ERP27: variants seen among roughly 807,000 people sequenced by gnomAD.
ERP27 encodes endoplasmic reticulum protein 27.
In ERP27, 23 loss-of-function variants were observed where a neutral mutation model predicts 27.7. The ratio of observed to expected loss-of-function variants is 0.83; its 90% CI spans 0.60 to 1.18. ERP27 has a LOEUF of 1.18. Ranked by LOEUF, ERP27 falls within the 50% of genes most tolerant of loss-of-function variation. The probability of loss-of-function intolerance (pLI) is 0.00; values close to 1 mark genes in which losing one functional copy is unlikely to be tolerated. For synonymous variants in ERP27, 159 were observed against 118.3 expected (o/e 1.34, Z -2.23); for missense variants, 363 against 327.9 (o/e 1.11, Z -0.83).
chr12:14,929,093 C>G, intron 3 of ERP27: 1 of 1,518,650 alleles, frequency 6.6e-7, no homozygotes, highest in Non-Finnish European at 8.8e-7. Flanking sequence ...ATTCCTAGGT[C>G]TGGTGCCTGC....
At chr12:14,934,802 G>C in intron 3 of ERP27, 54 bp downstream of exon 3, 1 of 1,608,818 alleles carries the variant, frequency 6.2e-7, no homozygotes, top group African/African-American at 1.3e-5. Context: ...AAGTTTATGA[G>C]TCCACAACCC....
chr12:14,921,155 C>A, intron 3 of ERP27, 107 bp from the exon 4 acceptor site: 1 of 867,492 alleles, frequency 1.2e-6, no homozygotes, highest in Non-Finnish European at 1.8e-6. Flanking sequence ...CTCTGAAGAC[C>A]AAAAGATAAG....
chr12:14,915,059 C>T (rs1156951101), intron 6 of ERP27, among the ~76,000 whole-genome samples: 1 of 152,150 alleles, frequency 6.6e-6, no homozygotes, highest in Non-Finnish European at 1.5e-5. Context: ...TGCTTTTAAT[C>T]AAATCTAGTA....
chr12:14,927,549 A>G (rs1275469399), intron 3 of ERP27, among the ~76,000 whole-genome samples: 1 of 152,116 alleles, frequency 6.6e-6, no homozygotes, highest in Admixed American at 6.5e-5. Context: ...CTGGACTCCA[A>G]CATTTAATTT....
In ERP27 at chr12:14,929,127, T is replaced by G. The variant is rs144661943; in HGVS notation, c.333+5729A>C. 7.4e-5 allele frequency: 108 copies of G among 1,468,932 alleles called. 1 individual carries two copies. The African/African-American group carries it at 1.4e-3, about 20-fold the overall frequency. The allele number at this position is 1,468,932 out of a possible 1,614,324, so 91.0% of individuals were successfully genotyped here. ...GCACCTCAGCTCACATCGCTGTGCA[T>G]GGATCAAGAATCCCCCCCTCCCTGT... On this transcript the variant is annotated intron_variant, in intron 3 of 6. Coordinates refer to ENST00000266397, the MANE Select transcript of ERP27 (RefSeq NM_152321.4).
At position 14,915,580 on chromosome 12, in the gene ERP27, A is replaced by G; in HGVS notation, c.683T>C (p.Leu228Pro). 6.2e-7 allele frequency: 1 copy of G among 1,614,230 alleles called. No homozygotes were observed. Among genetic ancestry groups the G allele is most frequent in the South Asian group, 1.1e-5 (1 of 91,082 alleles). Reference protein sequence around the residue: ...QLPALAIYQTLDDEWDTLPTA... With the variant: ...QLPALAIYQTPDDEWDTLPTA... Reference sequence around the variant, plus strand: ...GGGCAGTGTATCCCACTCGTCATCTAGAGTCTGGTAAATTGCCAAAGCTGG... The same window carrying G: ...GGGCAGTGTATCCCACTCGTCATCTGGAGTCTGGTAAATTGCCAAAGCTGG... Residue 228 changes from leucine (L) to proline (P), a missense_variant, in exon 6 of 7, where the codon CTA becomes CCA. Transcript: ENST00000266397.
At chr12:14,916,029 G>T (rs77300556) in intron 5 of ERP27, among the ~76,000 whole-genome samples, 7,724 of 151,964 alleles carry the variant, frequency 0.051, 339 homozygotes, top group African/African-American at 0.11. Flanking sequence ...GGGGGTGGAG[G>T]GTGGGAGGAG....
chr12:14,927,537 G>A (rs1198259146), intron 3 of ERP27, among the ~76,000 whole-genome samples: 1 of 152,008 alleles, frequency 6.6e-6, no homozygotes, highest in African/African-American at 2.4e-5. Context: ...CCCTTGTGAG[G>A]CCTGGACTCC....
At chr12:14,921,135 C>T (rs1201702670) in intron 3 of ERP27, 87 bp from the exon 4 acceptor site, 14 of 1,085,558 alleles carry the variant, frequency 1.3e-5, no homozygotes, top group East Asian at 2.4e-5. Context: ...GTGACAGGCA[C>T]TGATTAAAGC....
intron 3 of ERP27, among the ~76,000 whole-genome samples, chr12:14,921,394 T>A (rs1863501511): frequency 6.6e-6 from 1 of 152,170 alleles, no homozygotes. Context: ...GAACAGCATA[T>A]GAAAATACTG....
At chr12:14,935,129 C>G in intron 2 of ERP27, 136 bp from the exon 3 acceptor site, 1 of 1,451,552 alleles carries the variant, frequency 6.9e-7, no homozygotes, top group Non-Finnish European at 9.1e-7. Context: ...ATGATTTACC[C>G]CTAACAATTC....
intron 3 of ERP27, among the ~76,000 whole-genome samples, chr12:14,923,500 T>A (rs538482935): frequency 6.6e-6 from 1 of 150,662 alleles, no homozygotes; most frequent in Non-Finnish European, 1.5e-5. Flanking sequence ...TCAATCTATC[T>A]ATCTATCTAT....
chr12:14,936,495 C>G (rs1401968974), intron 2 of ERP27, among the ~76,000 whole-genome samples: 1 of 152,156 alleles, frequency 6.6e-6, no homozygotes, highest in African/African-American at 2.4e-5. Flanking sequence ...TTCTACCCTG[C>G]AAGTCCCCAG....
intron 3 of ERP27, among the ~76,000 whole-genome samples, chr12:14,922,959 C>T (rs985421816): frequency 1.3e-5 from 2 of 151,838 alleles, no homozygotes; most frequent in African/African-American, 2.4e-5. Context: ...ATGCCAGCTA[C>T]TCTGGAGGCT....
intron 2 of ERP27, among the ~76,000 whole-genome samples, chr12:14,937,074 C>T (rs1863784084): frequency 6.6e-6 from 1 of 152,178 alleles, no homozygotes; most frequent in Admixed American, 6.5e-5. Flanking sequence ...GCACACTCCT[C>T]CAATTCCATG....
At chr12:14,929,198 A>G in intron 3 of ERP27, 1 of 1,273,256 alleles carries the variant, frequency 7.9e-7, no homozygotes, top group Middle Eastern at 3.0e-4. Context: ...CAGGGAGAAC[A>G]AGAAAAGCCA....
Position 14,920,841 on chromosome 12 carries a change from G to T in ERP27, c.450+91C>A. On this transcript the variant is annotated intron_variant, in intron 4 of 6. Transcript: ENST00000266397. ...CAGTATTGTATTGGTCGAAGAATTG[G>T]AACTCTGGGAGGAAGAGACCTCTGT... 4 of 913,132 alleles carry T rather than the reference G, an allele frequency of 4.4e-6. 1 individual carries two copies. The South Asian group carries it at 5.8e-5, about 13-fold the overall frequency. 56.6% of individuals were successfully genotyped at this position (913,132 alleles called of 1,614,324 possible).
intron 3 of ERP27, among the ~76,000 whole-genome samples, chr12:14,927,257 T>C (rs184002281): frequency 6.6e-6 from 1 of 152,248 alleles, no homozygotes; most frequent in East Asian, 1.9e-4. Flanking sequence ...GAGTGGATTA[T>C]GCATATTCCA....
chr12:14,934,699 G>A (rs1863748509), intron 3 of ERP27, among the ~76,000 whole-genome samples, 157 bp downstream of exon 3: 1 of 152,122 alleles, frequency 6.6e-6, no homozygotes, highest in Non-Finnish European at 1.5e-5. Context: ...ACCTGTTTGG[G>A]AAGCTTGAAT....
Sources: gnomAD v4.1 joint callset for allele counts (sites outside exome capture counted in the v4.1 genomes callset) on GRCh38, gnomAD v4.1.1 for gene constraint, MANE v1.5 for transcripts, NCBI Gene and HGNC (gene_info 2026-07-23, HGNC 2026-07-21) for gene names.